ROS1: variants seen among roughly 807,000 people sequenced by gnomAD.
ROS1 encodes the protein proto-oncogene tyrosine-protein kinase ROS.
A neutral mutation model predicts 273.5 loss-of-function variants in ROS1; 263 were observed. The ratio of observed to expected loss-of-function variants is 0.96; its 90% CI spans 0.87 to 1.06. The LOEUF (loss-of-function observed/expected upper bound fraction) is 1.06, where lower values mean the gene tolerates loss of function less well. ROS1 is among the 50% of genes least tolerant of loss of function. ROS1 has a pLI of 0.00. For synonymous variants in ROS1, 1,008 were observed against 954.1 expected (o/e 1.06, Z -1.04); for missense variants, 2,833 against 2,751.1 (o/e 1.03, Z -0.67).
intron 42 of ROS1, among the ~76,000 whole-genome samples, chr6:117,302,082 A>G (rs1207016241): frequency 6.6e-6 from 1 of 152,190 alleles, no homozygotes; most frequent in Non-Finnish European, 1.5e-5. Flanking sequence ...GGCAAAATTC[A>G]TCACACCTCA....
intron 4 of ROS1, among the ~76,000 whole-genome samples, chr6:117,410,637 G>A (rs1774827755): frequency 6.6e-6 from 1 of 152,088 alleles, no homozygotes; most frequent in Non-Finnish European, 1.5e-5. Context: ...ACACAATCAT[G>A]ATCAATCTTC....
At position 117,387,930 on chromosome 6, in the gene ROS1, C is replaced by T; in HGVS notation, c.1849G>A (p.Val617Ile). Reference sequence around the variant, plus strand: ...CTTATGTTCAAGAAAATATGAGTGACTTCAGGAGGGTCTTGGGTGGATACT... The same window carrying T: ...CTTATGTTCAAGAAAATATGAGTGATTTCAGGAGGGTCTTGGGTGGATACT... ...VKVSTQDPPE[V>I]THIFLNISGT... Residue 617 changes from valine (V) to isoleucine (I), a missense_variant, in exon 14 of 44, where the codon GTC becomes ATC. By Grantham distance (29) the Val-to-Ile change is conservative. Transcript: ENST00000368507. The T allele has an allele frequency of 1.2e-6, 2 of 1,614,192 alleles. No individual in the cohort carries two copies. The highest frequency in any genetic ancestry group is 1.7e-5 in the Admixed American group (1 of 60,026).
chr6:117,288,842 A>G, intron 43 of ROS1, 40 bp from the exon 44 acceptor site: 2 of 1,470,896 alleles, frequency 1.4e-6, no homozygotes, highest in Non-Finnish European at 1.8e-6. Flanking sequence ...CATGTATTTA[A>G]TTATTTATTT....
At chr6:117,313,298 C>A (rs112888747) in intron 39 of ROS1, among the ~76,000 whole-genome samples, 1 of 152,062 alleles carries the variant, frequency 6.6e-6, no homozygotes, top group African/African-American at 2.4e-5. Context: ...GGTGTGGTAT[C>A]TCATGCCTGT....
At chr6:117,289,397 A>T in intron 43 of ROS1, among the ~76,000 whole-genome samples, 1 of 152,200 alleles carries the variant, frequency 6.6e-6, no homozygotes, top group East Asian at 1.9e-4. Flanking sequence ...TCCAGGTTTG[A>T]TTTATTTTTA....
intron 13 of ROS1, among the ~76,000 whole-genome samples, chr6:117,388,572 G>T (rs1772785849): frequency 6.6e-6 from 1 of 152,154 alleles, no homozygotes; most frequent in Admixed American, 6.5e-5. Flanking sequence ...TGTAAATAAA[G>T]TTGTAATGGA....
At chr6:117,325,445 A>C (rs1238226480) in intron 34 of ROS1, among the ~76,000 whole-genome samples, 1 of 152,156 alleles carries the variant, frequency 6.6e-6, no homozygotes, top group Non-Finnish European at 1.5e-5. Flanking sequence ...GGAAAAGATA[A>C]ACCACAATTG....
intron 2 of ROS1, among the ~76,000 whole-genome samples, chr6:117,417,664 C>G (rs898031250): frequency 6.6e-6 from 1 of 152,172 alleles, no homozygotes; most frequent in Non-Finnish European, 1.5e-5. Flanking sequence ...TCTTCCACTT[C>G]CCTACCCTCT....
chr6:117,343,511 T>C (rs1185850436), intron 28 of ROS1, among the ~76,000 whole-genome samples: 3 of 151,978 alleles, frequency 2.0e-5, no homozygotes, highest in Middle Eastern at 3.2e-3. Flanking sequence ...CAAGAAATAG[T>C]TAGTGAATGC....
chr6:117,358,115 T>C, intron 24 of ROS1, 106 bp from the exon 25 acceptor site: 1 of 713,774 alleles, frequency 1.4e-6, no homozygotes, highest in Non-Finnish European at 2.3e-6. Flanking sequence ...TTCTCATTTG[T>C]AATCCCAAAC....
intron 35 of ROS1, among the ~76,000 whole-genome samples, chr6:117,322,926 A>T (rs1582618605): frequency 6.6e-6 from 1 of 152,154 alleles, no homozygotes; most frequent in East Asian, 1.9e-4. Context: ...AAATTATCTC[A>T]TGTTCATCCA....
At chr6:117,400,136 T>TC (rs1405984373) in intron 7 of ROS1, among the ~76,000 whole-genome samples, 1 of 152,226 alleles carries the variant, frequency 6.6e-6, no homozygotes, top group African/African-American at 2.4e-5. Flanking sequence ...TAGAATCCAA[T>TC]CTTGGTGACC....
intron 22 of ROS1, among the ~76,000 whole-genome samples, chr6:117,361,352 A>G (rs1779785660): frequency 6.6e-6 from 1 of 151,556 alleles, no homozygotes; most frequent in Admixed American, 6.6e-5. Context: ...TATTATTTTT[A>G]TTATACTTTT....
intron 42 of ROS1, chr6:117,301,485 T>C (rs1346968640): frequency 5.6e-6 from 1 of 178,462 alleles, no homozygotes; most frequent in Non-Finnish European, 1.2e-5. Flanking sequence ...CTACCACCCA[T>C]TGATCACCAG....
rs567196610 is a variant in ROS1 at position 117,352,274 on chromosome 6, T to C, written c.4303+716A>G. Among the ~76,000 whole-genome samples the C allele has an allele frequency of 1.8e-4, 27 of 152,286 alleles. No homozygotes were observed. The South Asian group carries it at 3.3e-3, about 19-fold the overall frequency. ...TTTTTTGGCAATACTGTTTTTGTTT[T>C]TGTTTGTATGGTTTTTAGATTTCAA... On this transcript the variant is annotated intron_variant, in intron 27 of 43. Transcript: ENST00000368507.
chr6:117,331,646 A>C (rs1227346420), intron 32 of ROS1, among the ~76,000 whole-genome samples: 1 of 152,224 alleles, frequency 6.6e-6, no homozygotes, highest in African/African-American at 2.4e-5. Flanking sequence ...TGGACCTCTC[A>C]ACATAAACCC....
At chr6:117,424,635 TA>T in intron 1 of ROS1, among the ~76,000 whole-genome samples, 1 of 151,994 alleles carries the variant, frequency 6.6e-6, no homozygotes, top group East Asian at 1.9e-4. Context: ...ACTAAACTTT[TA>T]AAAAAATGCT....
At chr6:117,382,333 A>AT (rs1314936419) in intron 17 of ROS1, among the ~76,000 whole-genome samples, 1 of 152,100 alleles carries the variant, frequency 6.6e-6, no homozygotes, top group African/African-American at 2.4e-5. Flanking sequence ...ATTATGGCCC[A>AT]TATATGTTAT....
chr6:117,345,044 C>G (rs1401609053), intron 27 of ROS1, among the ~76,000 whole-genome samples: 1 of 152,180 alleles, frequency 6.6e-6, no homozygotes, highest in Non-Finnish European at 1.5e-5. Flanking sequence ...CAAATAACTC[C>G]AAATATGATT....
Sources: gnomAD v4.1 joint callset for allele counts (sites outside exome capture counted in the v4.1 genomes callset) on GRCh38, gnomAD v4.1.1 for gene constraint, MANE v1.5 for transcripts, NCBI Gene and HGNC (gene_info 2026-07-23, HGNC 2026-07-21) for gene names.